PEAK1: variants seen among roughly 807,000 people sequenced by gnomAD.
PEAK1 encodes inactive tyrosine-protein kinase PEAK1.
A neutral mutation model predicts 124.7 loss-of-function variants in PEAK1; 54 were observed. The observed-to-expected ratio is 0.43, with a 90% confidence interval of 0.35 to 0.54. PEAK1 has a LOEUF of 0.54. Among genes scored for constraint, PEAK1 ranks in the 20% least tolerant of loss-of-function variants. PEAK1 has a pLI of 0.01. For missense variants in PEAK1, 2,046 were observed against 2,134.5 expected (o/e 0.96, Z 0.82); for synonymous variants, 719 against 760.0 (o/e 0.95, Z 0.89).
At chr15:77,396,379 G>A (rs1428894391) in intron 1 of PEAK1, among the ~76,000 whole-genome samples, 1 of 151,556 alleles carries the variant, frequency 6.6e-6, no homozygotes, top group African/African-American at 2.4e-5. Context: ...AAACAACCAG[G>A]AAACAAATAA....
In PEAK1 at chr15:77,180,160, A is replaced by G. The variant is rs374181412; in HGVS notation, c.1767T>C (p.Asn589=). ...SSKTIPVKSP[N]LSEIKFNSYN... is the part of the protein sequence containing the mutation. ...AACTATTAAATTTAATTTCAGACAA[A>G]TTAGGTGACTTAACAGGGATGGTTT... Residue 589 remains asparagine, a synonymous_variant, in exon 7 of 10, where the codon AAT becomes AAC. Coordinates refer to ENST00000682557, the MANE Select transcript of PEAK1 (RefSeq NM_001385026.1). The G allele has an allele frequency of 9.9e-6, 16 of 1,613,982 alleles. No homozygotes were observed. In the African/African-American group the frequency reaches 2.1e-4, roughly 22 times the overall value.
chr15:77,178,586 T>G (rs577648763), intron 7 of PEAK1: 330 of 588,772 alleles, frequency 5.6e-4, no homozygotes, highest in Non-Finnish European at 7.7e-4. Context: ...AAGCCAAAGA[T>G]CCAGGGCTAT....
intron 7 of PEAK1, among the ~76,000 whole-genome samples, chr15:77,165,630 G>A (rs562159240): frequency 5.3e-5 from 8 of 152,110 alleles, no homozygotes; most frequent in African/African-American, 1.9e-4. Context: ...GGGAGATGCT[G>A]AGAAATGATA....
At chr15:77,377,274 C>A (rs2069103718) in intron 1 of PEAK1, among the ~76,000 whole-genome samples, 1 of 152,052 alleles carries the variant, frequency 6.6e-6, no homozygotes, top group Admixed American at 6.5e-5. Flanking sequence ...GTCCCAGCTG[C>A]TCAGGAGGCT....
At chr15:77,219,226 A>C (rs922419655) in intron 6 of PEAK1, among the ~76,000 whole-genome samples, 1 of 152,086 alleles carries the variant, frequency 6.6e-6, no homozygotes, top group African/African-American at 2.4e-5. Context: ...TGAGGTTTTA[A>C]CTAGGCTAGC....
intron 7 of PEAK1, among the ~76,000 whole-genome samples, chr15:77,177,628 T>C (rs1026240972): frequency 2.0e-5 from 3 of 152,094 alleles, no homozygotes; most frequent in Non-Finnish European, 1.5e-5. Flanking sequence ...CTTTCTTTAC[T>C]TCTTACTTTA....
At chr15:77,280,143 C>T (rs2152966395) in intron 5 of PEAK1, among the ~76,000 whole-genome samples, 1 of 152,192 alleles carries the variant, frequency 6.6e-6, no homozygotes, top group Admixed American at 6.5e-5. Flanking sequence ...GAGTTCGAGG[C>T]CAGCCTGGCC....
chr15:77,174,405 C>T (rs1455732954), intron 7 of PEAK1, among the ~76,000 whole-genome samples: 1 of 152,148 alleles, frequency 6.6e-6, no homozygotes, highest in Non-Finnish European at 1.5e-5. Context: ...ATTTAATGAT[C>T]ACACTGCCAT....
chr15:77,398,473 T>G (rs965055004), intron 1 of PEAK1, among the ~76,000 whole-genome samples: 4 of 152,158 alleles, frequency 2.6e-5, no homozygotes, highest in Non-Finnish European at 5.9e-5. Flanking sequence ...TGCAAATCAA[T>G]CAATGTGATA....
At chr15:77,358,526 C>T (rs539377059) in intron 2 of PEAK1, among the ~76,000 whole-genome samples, 2 of 152,340 alleles carry the variant, frequency 1.3e-5, no homozygotes, top group South Asian at 2.1e-4. Flanking sequence ...CTAATGAACA[C>T]TGCCACCCTT....
At chr15:77,305,465 A>C (rs916141102) in intron 2 of PEAK1, among the ~76,000 whole-genome samples, 1 of 152,154 alleles carries the variant, frequency 6.6e-6, no homozygotes, top group Non-Finnish European at 1.5e-5. Context: ...GAAGGTCTAT[A>C]AAGAGGGGTG....
chr15:77,168,838 T>C (rs539401501), intron 7 of PEAK1, among the ~76,000 whole-genome samples: 2 of 152,316 alleles, frequency 1.3e-5, no homozygotes, highest in African/African-American at 2.4e-5. Flanking sequence ...CCAGCTGTGC[T>C]AGACATAGTT....
At chr15:77,252,238 A>G (rs1196894862) in intron 6 of PEAK1, 129 bp downstream of exon 6, 2 of 478,024 alleles carry the variant, frequency 4.2e-6, no homozygotes, top group African/African-American at 2.1e-5. Flanking sequence ...TATGCTAAAT[A>G]AGTTATAAAA....
Position 77,133,841 on chromosome 15 carries a change from T to G in PEAK1, c.3332-91A>C, listed in dbSNP as rs986879204. On this transcript the variant is annotated intron_variant, in intron 8 of 9. Coordinates refer to ENST00000682557, the MANE Select transcript of PEAK1 (RefSeq NM_001385026.1). This position sits in a 1 kb window ranked among gnomAD's most constrained non-coding sequence, Gnocchi z 4.2. ...GAAACTTGAGCAGAAATGAGTGAGG[T>G]AGCCATGGGAATGTAAGAATAAGTC... is the stretch of plus-strand genomic sequence containing the variant. 7.4e-7 allele frequency: 1 copy of G among 1,357,256 alleles called. No individual in the cohort carries two copies. The highest frequency in any genetic ancestry group is 1.5e-5 in the African/African-American group (1 of 68,228). The allele number at this position is 1,357,256 out of a possible 1,614,324, so 84.1% of individuals were successfully genotyped here. A position where few individuals can be genotyped will look rare whatever the true frequency, so the allele number is the denominator to read the frequency against.
intron 2 of PEAK1, among the ~76,000 whole-genome samples, chr15:77,354,236 GAA>G (rs570330483): frequency 7.9e-5 from 12 of 152,104 alleles, no homozygotes; most frequent in Non-Finnish European, 1.6e-4. Context: ...CACTGGAAAG[GAA>G]ACAAATAGTG....
rs139425312 is a variant in PEAK1, at chr15:77,320,891, T to C, written c.-602-34387A>G. ...GTTCTCATTGTTCAATTCCCACCTATGAGTGAGAGCATGCGGTGTTTGGTT... is the reference window on the plus strand; with the variant it reads ...GTTCTCATTGTTCAATTCCCACCTACGAGTGAGAGCATGCGGTGTTTGGTT... On this transcript the variant is annotated intron_variant, in intron 2 of 9. Coordinates refer to ENST00000682557, the MANE Select transcript of PEAK1 (RefSeq NM_001385026.1). Among the ~76,000 whole-genome samples, 682 of 151,182 alleles carry C rather than the reference T, an allele frequency of 4.5e-3. 5 individuals are homozygous for C. The highest frequency in any genetic ancestry group is 0.016 in the African/African-American group (652 of 41,324).
At chr15:77,325,899 T>C (rs1415703180) in intron 2 of PEAK1, among the ~76,000 whole-genome samples, 1 of 152,086 alleles carries the variant, frequency 6.6e-6, no homozygotes, top group African/African-American at 2.4e-5. Context: ...AGTTGGAGAA[T>C]GGACTAAGAT....
At chr15:77,349,820 A>G (rs906254520) in intron 2 of PEAK1, 2 of 985,264 alleles carry the variant, frequency 2.0e-6, no homozygotes, top group African/African-American at 1.7e-5. Flanking sequence ...GGGGACAGCC[A>G]GGCTGGAAAA....
intron 1 of PEAK1, chr15:77,401,395 A>G (rs1359237914): frequency 1.6e-6 from 1 of 607,074 alleles, no homozygotes; most frequent in Non-Finnish European, 2.1e-6. Context: ...TTTTAGCACT[A>G]ATTAAGAATA....
Sources: gnomAD v4.1 joint callset for allele counts (sites outside exome capture counted in the v4.1 genomes callset) on GRCh38, gnomAD v4.1.1 for gene constraint, Gnocchi (gnomAD v3.1) non-coding constraint, MANE v1.5 for transcripts, NCBI Gene and HGNC (gene_info 2026-07-23, HGNC 2026-07-21) for gene names.